Variants in RBFOX1 observed in about 807,000 individuals in gnomAD.
RBFOX1 encodes RNA binding protein fox-1 homolog 1.
A neutral mutation model predicts 57.7 loss-of-function variants in RBFOX1; 8 were observed. That is an observed-to-expected ratio of 0.14 (90% CI 0.08 to 0.25). The LOEUF (loss-of-function observed/expected upper bound fraction) is 0.25, where lower values mean the gene tolerates loss of function less well. RBFOX1 is among the 10% of genes least tolerant of loss of function. The probability of loss-of-function intolerance (pLI) is 1.00; values close to 1 mark genes in which losing one functional copy is unlikely to be tolerated. For missense variants in RBFOX1, 611 were observed against 548.5 expected (o/e 1.11, Z -1.14); for synonymous variants, 326 against 222.4 (o/e 1.47, Z -4.15).
At chr16:7,434,965 G>C (rs1365066708) in intron 4 of RBFOX1, among the ~76,000 whole-genome samples, 2 of 152,062 alleles carry the variant, frequency 1.3e-5, no homozygotes. Context: ...GTCTTGAACT[G>C]TTGACCTTCA....
chr16:7,550,251 CT>C (rs35299614), intron 5 of RBFOX1, among the ~76,000 whole-genome samples: 134,505 of 147,706 alleles, frequency 0.91, 61,677 homozygotes, highest in Middle Eastern at 0.98. Context: ...CCTCCAGAGT[CT>C]TTTTTTTTTT....
Position 5,911,388 on chromosome 16 carries a change from A to G in RBFOX1, c.351+44053A>G, listed in dbSNP as rs767918237. On this transcript the variant is annotated intron_variant, in intron 4 of 19. Coordinates refer to the RBFOX1 transcript ENST00000641259. ...TATCTTGTGCCACAGCCGTATCTTCAGAGACCTCTTGCTGTTGAGATAAGC... is the reference window on the plus strand; with the variant it reads ...TATCTTGTGCCACAGCCGTATCTTCGGAGACCTCTTGCTGTTGAGATAAGC... Among the ~76,000 whole-genome samples, 74 of 152,216 alleles carry G rather than the reference A, an allele frequency of 4.9e-4. 1 individual carries two copies. Among genetic ancestry groups the G allele is most frequent in the Non-Finnish European group, 1.3e-4 (9 of 68,046 alleles).
intron 3 of RBFOX1, among the ~76,000 whole-genome samples, chr16:6,936,873 T>C (rs1001633489): frequency 1.4e-5 from 2 of 147,504 alleles, no homozygotes; most frequent in Admixed American, 1.4e-4. Flanking sequence ...TCTCTGAAAT[T>C]TTTAAGATCC....
intron 2 of RBFOX1, among the ~76,000 whole-genome samples, chr16:6,553,402 TAGAA>T (rs1293635310): frequency 6.6e-6 from 1 of 152,158 alleles, no homozygotes; most frequent in Non-Finnish European, 1.5e-5. Flanking sequence ...CAAGGATGGA[TAGAA>T]AGGAGAATGC....
chr16:6,525,632 C>G (rs2096567604), intron 2 of RBFOX1, among the ~76,000 whole-genome samples: 1 of 152,018 alleles, frequency 6.6e-6, no homozygotes, highest in African/African-American at 2.4e-5. Flanking sequence ...ACCAGCAGGT[C>G]TGGTGTCTGG....
At chr16:6,506,647 T>A (rs1365268189) in intron 2 of RBFOX1, among the ~76,000 whole-genome samples, 3 of 114,466 alleles carry the variant, frequency 2.6e-5, no homozygotes, top group Non-Finnish European at 5.2e-5. Context: ...TTTTTTTTTT[T>A]TTTTTTTTTT....
intron 2 of RBFOX1, among the ~76,000 whole-genome samples, chr16:6,642,629 C>G (rs2098501626): frequency 6.7e-6 from 1 of 150,144 alleles, no homozygotes; most frequent in African/African-American, 2.4e-5. Flanking sequence ...AACAAAATAA[C>G]TCACAGGAGG....
intron 3 of RBFOX1, among the ~76,000 whole-genome samples, chr16:5,783,424 T>C (rs9931288): frequency 0.29 from 43,668 of 152,086 alleles, 6,686 homozygotes; most frequent in East Asian, 0.55. Context: ...TTATATGGTG[T>C]ATATAGAGAT....
At position 6,081,683 on chromosome 16, in the gene RBFOX1, C is replaced by G. The variant is rs187162803; in HGVS notation, c.-127+61691C>G. 8.5e-5 allele frequency among the ~76,000 whole-genome samples: 13 copies of G among 152,270 alleles called. No individual in the cohort carries two copies. In the East Asian group the frequency reaches 2.5e-3, roughly 29 times the overall value. Reference sequence around the variant, plus strand: ...TTTATTTATTTATTTATTTTTGAAACTGACTTTTAAATGAAAGTTGAGCTA... The same window carrying G: ...TTTATTTATTTATTTATTTTTGAAAGTGACTTTTAAATGAAAGTTGAGCTA... On this transcript the variant is annotated intron_variant, in intron 1 of 15. Coordinates refer to ENST00000550418, the MANE Select transcript of RBFOX1 (RefSeq NM_018723.4).
intron 4 of RBFOX1, among the ~76,000 whole-genome samples, chr16:7,068,151 T>G (rs1425767213): frequency 6.6e-6 from 1 of 152,042 alleles, no homozygotes; most frequent in African/African-American, 2.4e-5. Flanking sequence ...TCTCCCTATT[T>G]TAAGATCCGT....
intron 3 of RBFOX1, among the ~76,000 whole-genome samples, chr16:5,728,058 T>C (rs939997724): frequency 6.6e-6 from 1 of 152,240 alleles, no homozygotes; most frequent in Non-Finnish European, 1.5e-5. Context: ...TATTTGTCTT[T>C]CTGTTATCTG....
At chr16:7,375,364 T>A (rs2097666075) in intron 4 of RBFOX1, among the ~76,000 whole-genome samples, 1 of 152,212 alleles carries the variant, frequency 6.6e-6, no homozygotes, top group African/African-American at 2.4e-5. Context: ...CAGTAACTAC[T>A]TAGGGTAAAT....
intron 1 of RBFOX1, among the ~76,000 whole-genome samples, chr16:6,243,138 G>A (rs566255551): frequency 4.1e-4 from 43 of 106,098 alleles, no homozygotes; most frequent in Non-Finnish European, 6.0e-4. Context: ...ATATTTATAC[G>A]TGTGTCTGTG....
chr16:6,508,726 G>T (rs982060524), intron 2 of RBFOX1, among the ~76,000 whole-genome samples: 1 of 151,900 alleles, frequency 6.6e-6, no homozygotes, highest in East Asian at 1.9e-4. Flanking sequence ...AATTCTCTAC[G>T]CCTAAATTCA....
At chr16:7,452,887 G>T (rs985334872) in intron 4 of RBFOX1, among the ~76,000 whole-genome samples, 2 of 152,142 alleles carry the variant, frequency 1.3e-5, no homozygotes, top group African/African-American at 4.8e-5. Context: ...CCAGCATTTT[G>T]GGAGGTCGTG....
chr16:6,955,285 C>A (rs962079749), intron 3 of RBFOX1, among the ~76,000 whole-genome samples: 1 of 151,754 alleles, frequency 6.6e-6, no homozygotes, highest in East Asian at 1.9e-4. Context: ...AACTCCCTAG[C>A]GTACGATTAA....
chr16:5,698,721 A>G (rs1296055382), intron 3 of RBFOX1, among the ~76,000 whole-genome samples: 1 of 152,218 alleles, frequency 6.6e-6, no homozygotes, highest in Non-Finnish European at 1.5e-5. Context: ...TGATTAATGA[A>G]TAATCAAAAC....
chr16:6,754,631 T>C (rs943807920), intron 3 of RBFOX1, among the ~76,000 whole-genome samples: 2 of 152,156 alleles, frequency 1.3e-5, no homozygotes, highest in Non-Finnish European at 2.9e-5. Flanking sequence ...GAGCACACTT[T>C]TATATACGGG....
At chr16:7,278,563 C>G (rs932676920) in intron 4 of RBFOX1, among the ~76,000 whole-genome samples, 1 of 152,128 alleles carries the variant, frequency 6.6e-6, no homozygotes, top group Admixed American at 6.5e-5. Context: ...TCATGACTGT[C>G]TGTGGGATGC....
Sources: gnomAD v4.1 joint callset for allele counts (sites outside exome capture counted in the v4.1 genomes callset) on GRCh38, gnomAD v4.1.1 for gene constraint, MANE v1.5 for transcripts, NCBI Gene and HGNC (gene_info 2026-07-23, HGNC 2026-07-21) for gene names.